Variants in ATP10B observed in about 807,000 individuals in gnomAD.
ATP10B encodes ATPase phospholipid transporting 10B (putative).
A neutral mutation model predicts 141.2 loss-of-function variants in ATP10B; 122 were observed. That is an observed-to-expected ratio of 0.86 (90% CI 0.75 to 1.00). The LOEUF is 1.00. ATP10B is among the 50% of genes least tolerant of loss of function. The pLI, the probability that ATP10B is intolerant of heterozygous loss-of-function variation, is 0.00. For synonymous variants in ATP10B, 685 were observed against 692.0 expected, an observed-to-expected ratio of 0.99 and a Z score of 0.16; for missense variants, 1,876 against 1,825.3, an observed-to-expected ratio of 1.03 and a Z score of -0.51.
At chr5:160,727,385 C>T (rs555121513) in intron 2 of ATP10B, among the ~76,000 whole-genome samples, 42 of 152,268 alleles carry the variant, frequency 2.8e-4, no homozygotes, top group African/African-American at 9.6e-4. Context: ...CCAAAGCACA[C>T]GCATTTCCCG....
chr5:160,864,581 A>T, the ATP10B span, among the ~76,000 whole-genome samples: 2 of 151,758 alleles, frequency 1.3e-5, no homozygotes, highest in Non-Finnish European at 2.9e-5. Flanking sequence ...CAGAGCAATC[A>T]GACAAGAGAA....
At chr5:160,830,249 AT>A (rs1315662324) in intron 1 of ATP10B, among the ~76,000 whole-genome samples, 1 of 152,104 alleles carries the variant, frequency 6.6e-6, no homozygotes, top group African/African-American at 2.4e-5. Flanking sequence ...TTATTGATTT[AT>A]ATATGTTGAA....
rs115635045 is a variant in ATP10B, at chr5:160,825,806, C to T, written c.-576+26135G>A. Among the ~76,000 whole-genome samples, 919 of 152,276 alleles carry T rather than the reference C, an allele frequency of 6.0e-3. 14 individuals are homozygous for T. The highest frequency in any genetic ancestry group is 0.021 in the African/African-American group (874 of 41,560). ...TCAACACATACTCCTCTTCCCACCT[C>T]CGCCCTTCCCCTGACCAGTAGTCAG... On this transcript the variant is annotated intron_variant, in intron 1 of 25. Transcript: ENST00000327245.
chr5:160,685,936 G>A, intron 6 of ATP10B, 143 bp downstream of exon 6: 1 of 675,120 alleles, frequency 1.5e-6, no homozygotes, highest in Non-Finnish European at 2.3e-6. Flanking sequence ...GCCCACTAGG[G>A]GTCGAAATCA....
intron 19 of ATP10B, 128 bp from the exon 20 acceptor site, chr5:160,604,169 C>G: frequency 4.2e-6 from 3 of 712,168 alleles, no homozygotes; most frequent in Non-Finnish European, 7.6e-6. Flanking sequence ...TATAGAAAGT[C>G]ATTGCTATAG....
chr5:160,608,737 A>C (rs1408603544), intron 18 of ATP10B, among the ~76,000 whole-genome samples: 1 of 152,180 alleles, frequency 6.6e-6, no homozygotes, highest in Admixed American at 6.5e-5. Context: ...TCTTGTGAGA[A>C]GTGTCTGTTC....
chr5:160,592,965 T>C (rs529006820), intron 22 of ATP10B, among the ~76,000 whole-genome samples: 1 of 152,236 alleles, frequency 6.6e-6, no homozygotes, highest in Non-Finnish European at 1.5e-5. Context: ...CCTGCCTCTG[T>C]AGGCTCCACC....
At chr5:160,685,379 A>C in intron 6 of ATP10B, 1 of 556,654 alleles carries the variant, frequency 1.8e-6, no homozygotes, top group Non-Finnish European at 3.1e-6. Flanking sequence ...AAGAGCCTGC[A>C]GAGAACAGGT....
the ATP10B span, among the ~76,000 whole-genome samples, chr5:160,923,043 A>G: frequency 6.6e-6 from 1 of 152,256 alleles, no homozygotes; most frequent in East Asian, 1.9e-4. Context: ...GTTTACACTC[A>G]TCGATGAAGT....
At chr5:160,649,371 G>A in intron 7 of ATP10B, 115 bp from the exon 8 acceptor site, 4 of 730,154 alleles carry the variant, frequency 5.5e-6, no homozygotes, top group Admixed American at 2.7e-5. Context: ...TCCATGCTTT[G>A]TCACACTTTG....
chr5:160,573,615 C>G (rs1490197537), intron 24 of ATP10B, among the ~76,000 whole-genome samples: 1 of 152,110 alleles, frequency 6.6e-6, no homozygotes, highest in African/African-American at 2.4e-5. Context: ...CACGAGAACT[C>G]TATTGTGAAC....
chr5:160,719,424 A>C (rs1342769476), intron 2 of ATP10B, among the ~76,000 whole-genome samples: 1 of 152,246 alleles, frequency 6.6e-6, no homozygotes, highest in East Asian at 1.9e-4. Flanking sequence ...CAATAACTGC[A>C]ACTACTTTTG....
intron 7 of ATP10B, among the ~76,000 whole-genome samples, chr5:160,656,224 T>C (rs1581283821): frequency 6.6e-6 from 1 of 152,366 alleles, no homozygotes; most frequent in Admixed American, 6.5e-5. Flanking sequence ...ACCCATCTTC[T>C]GTTTCATCCT....
chr5:160,880,088 CTA>C, the ATP10B span, among the ~76,000 whole-genome samples: 2 of 148,232 alleles, frequency 1.3e-5, no homozygotes, highest in African/African-American at 2.5e-5. Context: ...AATATATCAT[CTA>C]TGTGAGAAAC....
chr5:160,691,153 C>G (rs1168802539), intron 3 of ATP10B, among the ~76,000 whole-genome samples: 1 of 152,054 alleles, frequency 6.6e-6, no homozygotes, highest in Non-Finnish European at 1.5e-5. Context: ...GGGAGTTGCA[C>G]TATGAGAACA....
At chr5:160,588,042 G>T (rs1380600641) in intron 24 of ATP10B, among the ~76,000 whole-genome samples, 1 of 152,086 alleles carries the variant, frequency 6.6e-6, no homozygotes, top group African/African-American at 2.4e-5. Flanking sequence ...TAGAGATGGG[G>T]TTTCACCATG....
the ATP10B span, among the ~76,000 whole-genome samples, chr5:160,903,434 A>G: frequency 6.6e-6 from 1 of 152,096 alleles, no homozygotes; most frequent in Non-Finnish European, 1.5e-5. Context: ...GTCCAAACAC[A>G]TTTTGTCTGC....
At chr5:160,793,130 C>G (rs542121106) in intron 1 of ATP10B, among the ~76,000 whole-genome samples, 2 of 152,198 alleles carry the variant, frequency 1.3e-5, no homozygotes, top group South Asian at 4.2e-4. Flanking sequence ...TCTTCTCAAA[C>G]CCATCATTTT....
chr5:160,857,861 G>T, the ATP10B span, among the ~76,000 whole-genome samples: 1 of 151,798 alleles, frequency 6.6e-6, no homozygotes, highest in Non-Finnish European at 1.5e-5. Context: ...TATGGTCAGA[G>T]AATGCACTCT....
Sources: gnomAD v4.1 joint callset for allele counts (sites outside exome capture counted in the v4.1 genomes callset) on GRCh38, gnomAD v4.1.1 for gene constraint, MANE v1.5 for transcripts, NCBI Gene and HGNC (gene_info 2026-07-23, HGNC 2026-07-21) for gene names.